CLOCK: variants seen among roughly 807,000 people sequenced by gnomAD.
CLOCK encodes clock circadian regulator.
In CLOCK, 43 loss-of-function variants were observed where a neutral mutation model predicts 118.4. The observed-to-expected ratio is 0.36, with a 90% CI of 0.28 to 0.47. CLOCK has a LOEUF of 0.47. CLOCK is among the 20% of genes least tolerant of loss of function. The pLI is 1.00. For missense variants in CLOCK, 846 were observed against 999.9 expected (o/e 0.85, Z 2.08); for synonymous variants, 326 against 339.2 (o/e 0.96, Z 0.43).
At chr4:55,508,023 G>A (rs1198238602) in intron 2 of CLOCK, among the ~76,000 whole-genome samples, 1 of 152,122 alleles carries the variant, frequency 6.6e-6, no homozygotes, top group East Asian at 1.9e-4. Flanking sequence ...ATAACTAAGT[G>A]TTCTCAAGGG....
intron 3 of CLOCK, among the ~76,000 whole-genome samples, chr4:55,486,948 T>C (rs1052382872): frequency 6.6e-6 from 1 of 152,210 alleles, no homozygotes; most frequent in Non-Finnish European, 1.5e-5. Flanking sequence ...CTCTGTTTCC[T>C]CTCTCTCCTT....
At chr4:55,457,058 G>C (rs1468654312) in intron 11 of CLOCK, among the ~76,000 whole-genome samples, 1 of 151,994 alleles carries the variant, frequency 6.6e-6, no homozygotes, top group African/African-American at 2.4e-5. Context: ...CAAGCTTTTG[G>C]GTGGGTACTT....
At chr4:55,476,228 A>T (rs1322468086) in intron 6 of CLOCK, among the ~76,000 whole-genome samples, 174 bp from the exon 7 acceptor site, 1 of 152,150 alleles carries the variant, frequency 6.6e-6, no homozygotes, top group African/African-American at 2.4e-5. Flanking sequence ...ATTTGAGATA[A>T]CATGGCAAGT....
At chr4:55,543,752 T>G (rs1283466056) in intron 1 of CLOCK, among the ~76,000 whole-genome samples, 1 of 151,346 alleles carries the variant, frequency 6.6e-6, no homozygotes, top group Non-Finnish European at 1.5e-5. Flanking sequence ...CACTCCGGCC[T>G]GGTGACAGAG....
At chr4:55,492,246 A>G (rs1236608267) in intron 2 of CLOCK, among the ~76,000 whole-genome samples, 1 of 152,170 alleles carries the variant, frequency 6.6e-6, no homozygotes, top group East Asian at 1.9e-4. Flanking sequence ...ATATATTAAT[A>G]AAACCAATCC....
At chr4:55,473,160 G>A (rs1726263078) in intron 7 of CLOCK, among the ~76,000 whole-genome samples, 1 of 152,078 alleles carries the variant, frequency 6.6e-6, no homozygotes, top group South Asian at 2.1e-4. Context: ...GGGAGGCAGA[G>A]GTTGCAGTGG....
At chr4:55,448,447 GAT>G (rs1348267725) in intron 18 of CLOCK, among the ~76,000 whole-genome samples, 11 of 152,136 alleles carry the variant, frequency 7.2e-5, no homozygotes. Context: ...CATCCTGAAA[GAT>G]ATTTAGTATT....
intron 8 of CLOCK, among the ~76,000 whole-genome samples, chr4:55,468,433 T>C (rs985957781): frequency 6.6e-6 from 1 of 152,052 alleles, no homozygotes; most frequent in Non-Finnish European, 1.5e-5. Flanking sequence ...AAATACACAT[T>C]AGAAAAAAAG....
intron 1 of CLOCK, among the ~76,000 whole-genome samples, chr4:55,520,491 A>G (rs1729789955): frequency 1.3e-5 from 2 of 152,098 alleles, no homozygotes; most frequent in African/African-American, 4.8e-5. Flanking sequence ...AGTATGAACT[A>G]CTCCTAGAAA....
chr4:55,521,139 C>T (rs1023495979), intron 1 of CLOCK, among the ~76,000 whole-genome samples: 2 of 152,104 alleles, frequency 1.3e-5, no homozygotes, highest in Non-Finnish European at 2.9e-5. Flanking sequence ...CTCAAATGTA[C>T]TAGAAAAAAA....
intron 1 of CLOCK, among the ~76,000 whole-genome samples, chr4:55,542,416 T>A (rs1031852251): frequency 1.3e-5 from 2 of 148,254 alleles, no homozygotes; most frequent in Non-Finnish European, 3.0e-5. Flanking sequence ...TCTATGCTGT[T>A]TTAACCATAC....
intron 18 of CLOCK, 88 bp downstream of exon 18, chr4:55,448,691 G>A (rs567877555): frequency 3.9e-6 from 4 of 1,027,720 alleles, no homozygotes; most frequent in Admixed American, 2.0e-5. Context: ...GTGCTTGCCA[G>A]CAAGCCTGGA....
At chr4:55,545,212 C>A (rs1161265377) in intron 1 of CLOCK, among the ~76,000 whole-genome samples, 2 of 152,150 alleles carry the variant, frequency 1.3e-5, no homozygotes, top group Non-Finnish European at 2.9e-5. Context: ...TACAGGCTAA[C>A]CTTTCAAGAC....
At chr4:55,451,727 A>G (rs1724472704) in intron 15 of CLOCK, among the ~76,000 whole-genome samples, 1 of 152,194 alleles carries the variant, frequency 6.6e-6, no homozygotes. Context: ...TCCCCTAATC[A>G]AGGAACCCTA....
intron 11 of CLOCK, 127 bp downstream of exon 11, chr4:55,458,765 T>C: frequency 1.5e-6 from 1 of 684,190 alleles, no homozygotes; most frequent in Non-Finnish European, 2.6e-6. Context: ...TAACTCATCG[T>C]TTCAAAAATA....
At chr4:55,487,756 C>A (rs1053983557) in intron 3 of CLOCK, among the ~76,000 whole-genome samples, 3 of 152,114 alleles carry the variant, frequency 2.0e-5, no homozygotes, top group African/African-American at 7.2e-5. Flanking sequence ...GTTTTCAATT[C>A]ATGAAAATTA....
At chr4:55,499,445 A>C (rs1307881196) in intron 2 of CLOCK, among the ~76,000 whole-genome samples, 1 of 152,230 alleles carries the variant, frequency 6.6e-6, no homozygotes, top group African/African-American at 2.4e-5. Flanking sequence ...TTCTGGACAA[A>C]ACTGTTCCAC....
chr4:55,514,553 A>G (rs1322371581), intron 1 of CLOCK, among the ~76,000 whole-genome samples: 1 of 150,542 alleles, frequency 6.6e-6, no homozygotes, highest in African/African-American at 2.4e-5. Flanking sequence ...TTCTTTCTCA[A>G]GTTGAAGAAG....
At chr4:55,522,229 T>C (rs6830409) in intron 1 of CLOCK, among the ~76,000 whole-genome samples, 46,094 of 151,928 alleles carry the variant, frequency 0.3, 7,609 homozygotes, top group East Asian at 0.58. Context: ...TCTTAAACTA[T>C]CATAAACCTT....
Sources: allele counts gnomAD v4.1 joint callset (sites outside exome capture counted in the v4.1 genomes callset), GRCh38; gene constraint gnomAD v4.1.1; transcripts MANE v1.5; gene names NCBI Gene and HGNC (gene_info 2026-07-23, HGNC 2026-07-21).